Variants in ERAP1 observed in about 807,000 individuals in gnomAD.
The protein encoded by ERAP1 is adipocyte-derived leucine aminopeptidase.
Under a neutral mutation model 103.7 loss-of-function variants are expected in ERAP1, and 86 were observed. That is an observed-to-expected ratio of 0.83 (90% CI 0.70 to 0.99). ERAP1 has a LOEUF of 0.99. Ranked by LOEUF, ERAP1 falls within the 50% of genes least tolerant of loss-of-function variation. The pLI is 0.00. For synonymous variants in ERAP1, 398 were observed against 402.4 expected, an observed-to-expected ratio of 0.99 and a Z score of 0.13; for missense variants, 1,009 against 1,128.4, an observed-to-expected ratio of 0.89 and a Z score of 1.52.
the ERAP1 span, among the ~76,000 whole-genome samples, chr5:96,927,761 C>T: frequency 6.6e-6 from 1 of 152,238 alleles, no homozygotes; most frequent in African/African-American, 2.4e-5. Flanking sequence ...GCTGGAATTA[C>T]AGTCCTTTGC....
the ERAP1 span, among the ~76,000 whole-genome samples, chr5:96,865,838 T>C: frequency 3.3e-5 from 5 of 152,180 alleles, no homozygotes; most frequent in Non-Finnish European, 5.9e-5. Flanking sequence ...TCAAATAAGA[T>C]AGGTCCACAC....
downstream of ERAP1, chr5:96,769,745 T>G (rs1360499303): frequency 6.6e-6 from 1 of 151,732 alleles, no homozygotes; most frequent in East Asian, 1.9e-4. Context: ...CCTCCTCCTG[T>G]TCCCTACCAT....
chr5:96,852,800 C>T, the ERAP1 span, among the ~76,000 whole-genome samples: 9 of 152,080 alleles, frequency 5.9e-5, no homozygotes, highest in South Asian at 2.1e-4. Flanking sequence ...AAATGAAGTA[C>T]GTTGATGAAT....
At position 96,795,176 on chromosome 5, in the gene ERAP1, C is replaced by A; in HGVS notation, c.799-14G>T. On this transcript the variant is annotated splice_polypyrimidine_tract_variant and intron_variant, in intron 4 of 18. Transcript: ENST00000443439. Reference sequence around the variant, plus strand: ...ATAAACAGAAACCTAAAGAGAAAGGCACAGAAAGGAATTCAAATATCTTAA... The same window carrying A: ...ATAAACAGAAACCTAAAGAGAAAGGAACAGAAAGGAATTCAAATATCTTAA... 1.2e-6 allele frequency: 2 copies of A among 1,612,824 alleles called. No homozygotes were observed. The highest frequency in any genetic ancestry group is 1.7e-6 in the Non-Finnish European group (2 of 1,179,858).
chr5:96,832,652 A>G, the ERAP1 span, among the ~76,000 whole-genome samples: 7 of 152,222 alleles, frequency 4.6e-5, no homozygotes, highest in African/African-American at 1.4e-4. Context: ...AAAATATTTA[A>G]TCATCTTTAT....
At chr5:96,843,668 G>A in the ERAP1 span, among the ~76,000 whole-genome samples, 1 of 152,080 alleles carries the variant, frequency 6.6e-6, no homozygotes, top group Non-Finnish European at 1.5e-5. Context: ...ATATGTCCCT[G>A]AGTTGTTTTT....
chr5:96,877,715 C>A, the ERAP1 span, among the ~76,000 whole-genome samples: 1 of 143,662 alleles, frequency 7.0e-6, no homozygotes, highest in Non-Finnish European at 1.5e-5. Context: ...CTCAGACCCA[C>A]ATAATAAGCC....
the ERAP1 span, among the ~76,000 whole-genome samples, chr5:96,891,322 C>A: frequency 6.6e-6 from 1 of 150,740 alleles, no homozygotes; most frequent in African/African-American, 2.4e-5. Context: ...GTAAACCATG[C>A]GCATACATTT....
chr5:96,806,630 T>C (rs1026244946), intron 1 of ERAP1, among the ~76,000 whole-genome samples: 877 of 54,440 alleles, frequency 0.016, 8 homozygotes, highest in African/African-American at 0.039. Context: ...CCTCTTTTTT[T>C]TTTTTTTTTT....
At chr5:96,935,767 C>G in the ERAP1 span, 1 of 212,622 alleles carries the variant, frequency 4.7e-6, no homozygotes, top group Non-Finnish European at 9.5e-6. Flanking sequence ...GTCTCGGCGT[C>G]CGGGATCGGG....
the ERAP1 span, among the ~76,000 whole-genome samples, chr5:96,842,956 G>A: frequency 0.025 from 3,875 of 152,132 alleles, 182 homozygotes; most frequent in African/African-American, 0.089. Flanking sequence ...GTTGAATTTT[G>A]TATAAGGCGA....
chr5:96,872,304 G>A, the ERAP1 span, among the ~76,000 whole-genome samples: 1 of 147,552 alleles, frequency 6.8e-6, no homozygotes, highest in South Asian at 2.2e-4. Flanking sequence ...TCACTGTACT[G>A]CAGCCTGGGT....
the ERAP1 span, among the ~76,000 whole-genome samples, chr5:96,900,898 C>G: frequency 6.6e-6 from 1 of 152,130 alleles, no homozygotes; most frequent in Admixed American, 6.5e-5. Context: ...AGACTGACCT[C>G]AGGCAATTCG....
chr5:96,770,339 CT>C, downstream of ERAP1: 7 of 544,160 alleles, frequency 1.3e-5, no homozygotes, highest in Non-Finnish European at 1.3e-5. Flanking sequence ...TATTTCTATC[CT>C]TTTTCCCTCC....
Position 96,784,027 on chromosome 5 carries a change from T to C in ERAP1, c.1997A>G (p.His666Arg). ...AAACACGGGCATAATTTCAGTTTCA[T>C]GTTTCAAGTACAGGGATAAATCCAA... ...KALDLSLYLK[H>R]ETEIMPVFQG... is the part of the protein sequence containing the mutation. Residue 666 changes from histidine to arginine, a missense_variant, in exon 14 of 19, where the codon CAT (histidine) becomes CGT (arginine). His to Arg is a conservative substitution (Grantham distance 29). This residue lies in a region of ERAP1 where 611 missense variants were observed against 651.7 expected (regional missense o/e 0.94). Coordinates refer to ENST00000443439, the MANE Select transcript of ERAP1 (RefSeq NM_001040458.3). 1.2e-6 allele frequency: 2 copies of C among 1,614,116 alleles called. No homozygotes were observed. Among genetic ancestry groups the C allele is most frequent in the Non-Finnish European group, 1.7e-6 (2 of 1,180,008 alleles).
chr5:96,791,750 G>A (rs1157261644), intron 8 of ERAP1, among the ~76,000 whole-genome samples: 2 of 152,170 alleles, frequency 1.3e-5, no homozygotes, highest in African/African-American at 2.4e-5. Flanking sequence ...ACGAGGGCAG[G>A]AATTTTTGTC....
At chr5:96,883,831 C>T in the ERAP1 span, 6 of 1,613,594 alleles carry the variant, frequency 3.7e-6, no homozygotes, top group Non-Finnish European at 5.1e-6. Context: ...CCCAGGCACG[C>T]ATGGCTTTCC....
At chr5:96,916,646 T>C in the ERAP1 span, among the ~76,000 whole-genome samples, 1 of 151,702 alleles carries the variant, frequency 6.6e-6, no homozygotes, top group Non-Finnish European at 1.5e-5. Context: ...TTGTATTTTT[T>C]TTTAGTAGAG....
intron 4 of ERAP1, among the ~76,000 whole-genome samples, chr5:96,796,800 C>CTTTG (rs775671713): frequency 7.2e-5 from 11 of 152,048 alleles, no homozygotes; most frequent in Non-Finnish European, 1.5e-4. Context: ...TTGGTTTTGT[C>CTTTG]TTTGTTTGTT....
Sources: gnomAD v4.1 joint callset for allele counts (sites outside exome capture counted in the v4.1 genomes callset) on GRCh38, gnomAD v4.1.1 for gene constraint, gnomAD v4.1.1 regional missense constraint, MANE v1.5 for transcripts, NCBI Gene and HGNC (gene_info 2026-07-23, HGNC 2026-07-21) for gene names.